The following ADRA2B variants were observed in gnomAD, a reference collection of about 807,000 sequenced individuals.
ADRA2B encodes adrenoceptor alpha 2B.
A neutral mutation model predicts 14.4 loss-of-function variants in ADRA2B; 14 were observed. The ratio of observed to expected loss-of-function variants is 0.97; its 90% CI spans 0.64 to 1.52. ADRA2B has a LOEUF of 1.52. Among genes scored for constraint, ADRA2B ranks in the 40% most tolerant of loss-of-function variants. ADRA2B has a pLI of 0.00. For missense variants in ADRA2B, 606 were observed against 603.2 expected (o/e 1.00, Z -0.05); for synonymous variants, 250 against 263.7 (o/e 0.95, Z 0.50).
At position 96,115,271 on chromosome 2, in the gene ADRA2B, T is replaced by C; in HGVS notation, c.879A>G (p.Pro293=). Residue 293 remains proline, a synonymous_variant, in exon 1 of 1, where the codon CCA becomes CCG. Transcript: ENST00000620793. ...GQKEGVCGAS[P]EDEAEEEEEE... is the part of the protein sequence containing the mutation. The stretch of plus-strand genomic sequence containing the variant: ...CTTCCTCCTCTTCAGCTTCATCCTC[T>C]GGAGATGCCCCACAAACACCCTCCT... 6.4e-7 allele frequency: 1 copy of C among 1,569,036 alleles called. No individual in the cohort carries two copies. Among genetic ancestry groups the C allele is most frequent in the Non-Finnish European group, 8.6e-7 (1 of 1,156,870 alleles).
Position 96,115,393 on chromosome 2 carries a change from T to C in ADRA2B, c.757A>G (p.Thr253Ala), listed in dbSNP as rs771504647. ...AREVNGHSKS[T>A]GEKEEGETPE... ...GTCTCCCCCTCCTCCTTCTCCCCAG[T>C]GGACTTCGAGTGTCCGTTGACCTCT... Residue 253 changes from threonine (T) to alanine (A), a missense_variant, in exon 1 of 1, where the codon ACT (threonine) becomes GCT (alanine). Physicochemically the swap from Thr to Ala is moderately conservative, Grantham distance 58. Transcript: ENST00000620793. 17 of 1,608,420 alleles carry C rather than the reference T, an allele frequency of 1.1e-5. No individual in the cohort carries two copies. The East Asian group carries it at 2.7e-4, about 25-fold the overall frequency.
chr2:96,116,029 G>A lies in ADRA2B; in HGVS notation c.121C>T (p.Arg41Cys). 2 of 1,613,454 alleles carry A rather than the reference G, an allele frequency of 1.2e-6. No individual in the cohort carries two copies. The highest frequency in any genetic ancestry group is 1.7e-6 in the Non-Finnish European group (2 of 1,179,772). ...AGGTTCTGAGGGGCGCGCAGCGAGCGGCTGGTCAACACAGCCAGGATGACC... is the reference window on the plus strand; with the variant it reads ...AGGTTCTGAGGGGCGCGCAGCGAGCAGCTGGTCAACACAGCCAGGATGACC... ...ALVILAVLTS[R>C]SLRAPQNLFL... The change falls in exon 1 of 1, where the codon CGC (arginine) becomes TGC (cysteine). Residue 41 changes from arginine to cysteine, a missense_variant. Coordinates refer to ENST00000620793, the MANE Select transcript of ADRA2B (RefSeq NM_000682.7).
In ADRA2B at chr2:96,116,074, T is replaced by A; in HGVS notation, c.76A>T (p.Thr26Ser). The change falls in exon 1 of 1, where the codon ACC becomes TCC. Residue 26 changes from threonine to serine, a missense_variant. By Grantham distance (58) the Thr-to-Ser change is moderately conservative. Transcript: ENST00000620793. ...ATGACCAGAGCGTTGCCGAAGATGGTAAAGAGAATGAGGAAGGTGATGGCC... is the reference window on the plus strand; with the variant it reads ...ATGACCAGAGCGTTGCCGAAGATGGAAAAGAGAATGAGGAAGGTGATGGCC... ...AAAITFLILF[T>S]IFGNALVILA... 1 of 1,612,406 alleles carries A rather than the reference T, an allele frequency of 6.2e-7. No homozygotes were observed. Among genetic ancestry groups the A allele is most frequent in the Non-Finnish European group, 8.5e-7 (1 of 1,179,548 alleles).
In ADRA2B at chr2:96,114,382, G is replaced by C; in HGVS notation, c.*415C>G. ...GGCTCCGTGCTCTTTGTGGGTGGGGGGGAGATGAAAAAGAAACGAAAACAC... is the reference window on the plus strand; with the variant it reads ...GGCTCCGTGCTCTTTGTGGGTGGGGCGGAGATGAAAAAGAAACGAAAACAC... On this transcript the variant is annotated 3_prime_UTR_variant, in exon 1 of 1. Coordinates refer to ENST00000620793, the MANE Select transcript of ADRA2B (RefSeq NM_000682.7). 2.5e-5 allele frequency: 25 copies of C among 1,002,268 alleles called. No homozygotes were observed. Among genetic ancestry groups the C allele is most frequent in the Non-Finnish European group, 3.0e-5 (25 of 839,592 alleles). 62.1% of individuals were successfully genotyped at this position (1,002,268 alleles called of 1,614,324 possible). A position where few individuals can be genotyped will look rare whatever the true frequency, so the allele number is the denominator to read the frequency against.
Position 96,113,593 on chromosome 2 carries a change from C to T in ADRA2B, c.*1204G>A, listed in dbSNP as rs140847349. 24 of 159,382 alleles carry T rather than the reference C, an allele frequency of 1.5e-4. No individual in the cohort carries two copies. The highest frequency in any genetic ancestry group is 2.6e-4 in the Non-Finnish European group (19 of 73,184). The allele number at this position is 159,382 out of a possible 1,614,324, so 9.9% of individuals were successfully genotyped here. A position where few individuals can be genotyped will look rare whatever the true frequency, so the allele number is the denominator to read the frequency against. Reference sequence around the variant, plus strand: ...ACAGGCTCTCATCTTAGACTGTTGCCGAGGTGTGGATATTTTGAGCTGTCT... The same window carrying T: ...ACAGGCTCTCATCTTAGACTGTTGCTGAGGTGTGGATATTTTGAGCTGTCT... On this transcript the variant is annotated 3_prime_UTR_variant, in exon 1 of 1. Coordinates refer to ENST00000620793, the MANE Select transcript of ADRA2B (RefSeq NM_000682.7).
Position 96,116,213 on chromosome 2 carries a change from T to C in ADRA2B, c.-64A>G, listed in dbSNP as rs1681871104. The C allele has an allele frequency of 7.0e-7, 1 of 1,435,564 alleles. No individual in the cohort carries two copies. Among genetic ancestry groups the C allele is most frequent in the Non-Finnish European group, 9.6e-7 (1 of 1,039,256 alleles). 88.9% of individuals were successfully genotyped at this position (1,435,564 alleles called of 1,614,324 possible). Reference sequence around the variant, plus strand: ...CAGTGCGCACCGTGGACGACAGCGCTGCCCGGCTCGGCTAGACAAGAGCGT... The same window carrying C: ...CAGTGCGCACCGTGGACGACAGCGCCGCCCGGCTCGGCTAGACAAGAGCGT... On this transcript the variant is annotated 5_prime_UTR_variant, in exon 1 of 1. Coordinates refer to ENST00000620793, the MANE Select transcript of ADRA2B (RefSeq NM_000682.7).
In ADRA2B at chr2:96,115,859, G is replaced by A; in HGVS notation, c.291C>T (p.Thr97=). 1.9e-6 allele frequency: 3 copies of A among 1,613,522 alleles called. No homozygotes were observed. Among genetic ancestry groups the A allele is most frequent in the Non-Finnish European group, 2.5e-6 (3 of 1,179,752 alleles). Residue 97 remains threonine (T), a synonymous_variant, in exon 1 of 1, where the codon ACC becomes ACT. Coordinates refer to ENST00000620793, the MANE Select transcript of ADRA2B (RefSeq NM_000682.7). ...TGGCGCACAGGTGCACGATGGACGA[G>A]GTGCAGAAGAGCACGTCGAGCGCCA... ...VYLALDVLFC[T]SSIVHLCAIS...
In ADRA2B at chr2:96,114,404, A is replaced by C; in HGVS notation, c.*393T>G. On this transcript the variant is annotated 3_prime_UTR_variant, in exon 1 of 1. Coordinates refer to ENST00000620793, the MANE Select transcript of ADRA2B (RefSeq NM_000682.7). ...GGGGGGAGATGAAAAAGAAACGAAAACACCACAAGCAAGTGACCTGCCAGG... is the reference window on the plus strand; with the variant it reads ...GGGGGGAGATGAAAAAGAAACGAAACCACCACAAGCAAGTGACCTGCCAGG... The C allele has an allele frequency of 9.9e-7, 1 of 1,007,186 alleles. No individual in the cohort carries two copies. The highest frequency in any genetic ancestry group is 1.2e-6 in the Non-Finnish European group (1 of 842,934). The allele number at this position is 1,007,186 out of a possible 1,614,324, so 62.4% of individuals were successfully genotyped here. A position where few individuals can be genotyped will look rare whatever the true frequency, so the allele number is the denominator to read the frequency against.
chr2:96,115,825 C>T lies in ADRA2B; in HGVS notation c.325G>A (p.Asp109Asn). Residue 109 changes from aspartate to asparagine, a missense_variant, in exon 1 of 1, where the codon GAC (aspartate) becomes AAC (asparagine). Coordinates refer to ENST00000620793, the MANE Select transcript of ADRA2B (RefSeq NM_000682.7). ...GCGCGGCTCACGGCCCAGTAGCGGT[C>T]CAGGCTGATGGCGCACAGGTGCACG... is the stretch of plus-strand genomic sequence containing the variant. ...SIVHLCAISL[D>N]RYWAVSRALE... The T allele has an allele frequency of 6.2e-7, 1 of 1,613,392 alleles. No individual in the cohort carries two copies. Among genetic ancestry groups the T allele is most frequent in the Non-Finnish European group, 8.5e-7 (1 of 1,179,718 alleles).
chr2:96,115,367 G>A lies in ADRA2B; in HGVS notation c.783C>T (p.Thr261=), dbSNP rs1681842123. 3 of 1,605,996 alleles carry A rather than the reference G, an allele frequency of 1.9e-6. No individual in the cohort carries two copies. The Admixed American group carries it at 5.0e-5, about 27-fold the overall frequency. The change falls in exon 1 of 1, where the codon ACC becomes ACT. Residue 261 remains threonine (T), a synonymous_variant. Transcript: ENST00000620793. ...KSTGEKEEGE[T]PEDTGTRALP... ...AGGCCCGGGTCCCAGTATCTTCAGG[G>A]GTCTCCCCCTCCTCCTTCTCCCCAG...
In ADRA2B at chr2:96,113,973, C is replaced by T. The variant is rs957067948; in HGVS notation, c.*824G>A. On this transcript the variant is annotated 3_prime_UTR_variant, in exon 1 of 1. Coordinates refer to ENST00000620793, the MANE Select transcript of ADRA2B (RefSeq NM_000682.7). Reference sequence around the variant, plus strand: ...GTGTGTTCCCCCACAGAGCTCAAAGCTTTCTGCAAAGCCTTTCATCTCCCT... The same window carrying T: ...GTGTGTTCCCCCACAGAGCTCAAAGTTTTCTGCAAAGCCTTTCATCTCCCT... 1.5e-5 allele frequency: 15 copies of T among 985,892 alleles called. No homozygotes were observed. Among genetic ancestry groups the T allele is most frequent in the Non-Finnish European group, 1.7e-5 (14 of 829,938 alleles). The allele number at this position is 985,892 out of a possible 1,614,324, so 61.1% of individuals were successfully genotyped here. A position where few individuals can be genotyped will look rare whatever the true frequency, so the allele number is the denominator to read the frequency against.
rs950253015 is a variant in ADRA2B at position 96,115,787 on chromosome 2, G to A, written c.363C>T (p.Asn121=). The A allele has an allele frequency of 4.3e-6, 7 of 1,612,846 alleles. No homozygotes were observed. In the African/African-American group the frequency reaches 9.3e-5, roughly 22 times the overall value. The change falls in exon 1 of 1, where the codon AAC becomes AAT. Residue 121 remains asparagine, a synonymous_variant. Transcript: ENST00000620793. ...TGATGCGGCGCGGGGTGCGCTTGGAGTTGTACTCCAGCGCGCGGCTCACGG... is the reference window on the plus strand; with the variant it reads ...TGATGCGGCGCGGGGTGCGCTTGGAATTGTACTCCAGCGCGCGGCTCACGG... ...YWAVSRALEY[N]SKRTPRRIKC...
At position 96,116,487 on chromosome 2, in the gene ADRA2B, C is replaced by T. The variant is rs547058642; in HGVS notation, c.-338G>A. Among the ~76,000 whole-genome samples the T allele has an allele frequency of 2.3e-3, 348 of 152,020 alleles. No individual in the cohort carries two copies. The highest frequency in any genetic ancestry group is 3.5e-3 in the Admixed American group (54 of 15,292). ...GTACGCTCTGGGGGCGCGGGCCGGGCTGGGCCGGTTCTTAAAGGAGGCGCG... is the reference window on the plus strand; with the variant it reads ...GTACGCTCTGGGGGCGCGGGCCGGGTTGGGCCGGTTCTTAAAGGAGGCGCG... On this transcript the variant is annotated 5_prime_UTR_variant, in exon 1 of 1. Transcript: ENST00000620793.
Position 96,114,793 on chromosome 2 carries a change from G to T in ADRA2B, c.*4C>A, listed in dbSNP as rs766575378. 6.2e-7 allele frequency: 1 copy of T among 1,609,788 alleles called. No individual in the cohort carries two copies. The highest frequency in any genetic ancestry group is 1.3e-5 in the African/African-American group (1 of 75,014). On this transcript the variant is annotated 3_prime_UTR_variant, in exon 1 of 1. Coordinates refer to ENST00000620793, the MANE Select transcript of ADRA2B (RefSeq NM_000682.7). Reference sequence around the variant, plus strand: ...CCAACCCCACAGGGGCAGCGCAGGCGGGCTCACCAGGCCGTCTGGGTCCAC... The same window carrying T: ...CCAACCCCACAGGGGCAGCGCAGGCTGGCTCACCAGGCCGTCTGGGTCCAC...
Position 96,115,598 on chromosome 2 carries a change from A to G in ADRA2B, c.552T>C (p.Pro184=). 6.2e-7 allele frequency: 1 copy of G among 1,613,934 alleles called. No individual in the cohort carries two copies. The part of the protein sequence containing the change: ...LASSIGSFFA[P]CLIMILVYLR... Reference sequence around the variant, plus strand: ...GGTAGACAAGGATCATGATGAGGCAAGGAGCAAAGAAAGATCCGATGCTGG... The same window carrying G: ...GGTAGACAAGGATCATGATGAGGCAGGGAGCAAAGAAAGATCCGATGCTGG... Residue 184 remains proline (P), a synonymous_variant, in exon 1 of 1, where the codon CCT becomes CCC. Coordinates refer to ENST00000620793, the MANE Select transcript of ADRA2B (RefSeq NM_000682.7).
Position 96,115,786 on chromosome 2 carries a change from AGTT to A in ADRA2B, c.361_363del (p.Asn121del). 1.2e-6 allele frequency: 2 copies of A among 1,612,830 alleles called. No individual in the cohort carries two copies. The highest frequency in any genetic ancestry group is 1.7e-6 in the Non-Finnish European group (2 of 1,179,524). ...TTGATGCGGCGCGGGGTGCGCTTGG[AGTT>A]GTACTCCAGCGCGCGGCTCACGGCC... On this transcript the variant is annotated inframe_deletion, in exon 1 of 1. Coordinates refer to ENST00000620793, the MANE Select transcript of ADRA2B (RefSeq NM_000682.7).
rs1428659255 is a variant in ADRA2B, at chr2:96,113,389, G to A, written c.*1408C>T. The A allele has an allele frequency of 1.6e-5, 6 of 372,894 alleles. No individual in the cohort carries two copies. Among genetic ancestry groups the A allele is most frequent in the Admixed American group, 4.6e-5 (1 of 21,884 alleles). The allele number at this position is 372,894 out of a possible 1,614,324, so 23.1% of individuals were successfully genotyped here. A position where few individuals can be genotyped will look rare whatever the true frequency, so the allele number is the denominator to read the frequency against. On this transcript the variant is annotated 3_prime_UTR_variant, in exon 1 of 1. Coordinates refer to ENST00000620793, the MANE Select transcript of ADRA2B (RefSeq NM_000682.7). ...CAATGCACAGCCCCATCAGCATTGC[G>A]GGGAGCAGCGTGGCTGGGTCCGAGG... is the stretch of plus-strand genomic sequence containing the variant.
At position 96,114,817 on chromosome 2, in the gene ADRA2B, A is replaced by G. The variant is rs376416256; in HGVS notation, c.1333T>C (p.Trp445Arg). The G allele has an allele frequency of 1.2e-6, 2 of 1,612,818 alleles. No individual in the cohort carries two copies. Among genetic ancestry groups the G allele is most frequent in the African/African-American group, 2.7e-5 (2 of 75,042 alleles). The change falls in exon 1 of 1, where the codon TGG becomes CGG. Residue 445 changes from tryptophan to arginine, a missense_variant. Physicochemically the swap from Trp to Arg is moderately radical, Grantham distance 101 (BLOSUM62 -3). Transcript: ENST00000620793. ...CGGGCTCACCAGGCCGTCTGGGTCC[A>G]CGGGCGGCACAGGATCCTCCGGAAG... Reference protein sequence around the residue: ...RAFRRILCRPWTQTAW With the variant: ...RAFRRILCRPRTQTAW
Position 96,114,911 on chromosome 2 carries a change from C to A in ADRA2B, c.1239G>T (p.Trp413Cys). 1 of 1,614,024 alleles carries A rather than the reference C, an allele frequency of 6.2e-7. No individual in the cohort carries two copies. Among genetic ancestry groups the A allele is most frequent in the Non-Finnish European group, 8.5e-7 (1 of 1,179,948 alleles). ...TCAGTGAGCTGTTGCAGTAGCCGAT[C>A]CAGAAGAAGAACTGGAAGAGGCCAT... ...VPHGLFQFFF[W>C]IGYCNSSLNP... is the part of the protein sequence containing the mutation. The change falls in exon 1 of 1, where the codon TGG becomes TGT. Residue 413 changes from tryptophan (W) to cysteine (C), a missense_variant. By Grantham distance (215) the Trp-to-Cys change is radical. Transcript: ENST00000620793.
Sources: allele counts gnomAD v4.1 joint callset (sites outside exome capture counted in the v4.1 genomes callset), GRCh38; gene constraint gnomAD v4.1.1; transcripts MANE v1.5; gene names NCBI Gene and HGNC (gene_info 2026-07-23, HGNC 2026-07-21).